C7orf78: variants seen among roughly 807,000 people sequenced by gnomAD.
The protein encoded by C7orf78 is putative uncharacterized protein C7orf78.
the C7orf78 span, among the ~76,000 whole-genome samples, chr7:12,517,856 A>G: frequency 1.3e-5 from 2 of 151,896 alleles, no homozygotes; most frequent in Non-Finnish European, 2.9e-5. Flanking sequence ...TAAAATCAGT[A>G]TTTTGAATTC....
chr7:12,499,937 C>T, the C7orf78 span, among the ~76,000 whole-genome samples: 4 of 126,924 alleles, frequency 3.2e-5, no homozygotes, highest in South Asian at 3.3e-4. Context: ...CACTCAAAAC[C>T]GCTCATCTAC....
At chr7:12,515,951 G>A in the C7orf78 span, among the ~76,000 whole-genome samples, 1 of 152,190 alleles carries the variant, frequency 6.6e-6, no homozygotes, top group African/African-American at 2.4e-5. Context: ...AAAATTTGCA[G>A]CCTGACAATG....
the C7orf78 span, among the ~76,000 whole-genome samples, chr7:12,518,284 C>T: frequency 6.6e-6 from 1 of 152,138 alleles, no homozygotes; most frequent in African/African-American, 2.4e-5. Flanking sequence ...TGTCCTTTAG[C>T]CCCCTGGGTG....
At chr7:12,520,779 T>C in the C7orf78 span, among the ~76,000 whole-genome samples, 1 of 152,190 alleles carries the variant, frequency 6.6e-6, no homozygotes, top group Non-Finnish European at 1.5e-5. Context: ...TACTTCTTCA[T>C]GGATTTTGTC....
At chr7:12,507,518 G>C in the C7orf78 span, 1 of 195,006 alleles carries the variant, frequency 5.1e-6, no homozygotes, top group Non-Finnish European at 1.1e-5. Context: ...GAGCACTTGA[G>C]AAGTTTGTAA....
At chr7:12,509,749 C>A in the C7orf78 span, among the ~76,000 whole-genome samples, 1 of 152,148 alleles carries the variant, frequency 6.6e-6, no homozygotes, top group Non-Finnish European at 1.5e-5. Context: ...GCTTATTTTG[C>A]TTAACATAAT....
At chr7:12,532,697 T>C in the C7orf78 span, among the ~76,000 whole-genome samples, 1 of 152,238 alleles carries the variant, frequency 6.6e-6, no homozygotes, top group African/African-American at 2.4e-5. Context: ...CACTTAGTAC[T>C]TGCTATCTAA....
the C7orf78 span, among the ~76,000 whole-genome samples, chr7:12,524,443 T>C: frequency 6.6e-6 from 1 of 152,290 alleles, no homozygotes; most frequent in African/African-American, 2.4e-5. Flanking sequence ...TGTTACCTTT[T>C]AGAGATGAGG....
chr7:12,495,252 C>CCA, the C7orf78 span, among the ~76,000 whole-genome samples: 4 of 152,102 alleles, frequency 2.6e-5, no homozygotes, highest in African/African-American at 9.7e-5. Flanking sequence ...ATTCCCTATC[C>CCA]CACACTGTGT....
chr7:12,536,037 A>G, the C7orf78 span, among the ~76,000 whole-genome samples: 43,525 of 152,056 alleles, frequency 0.29, 7,285 homozygotes, highest in African/African-American at 0.46. Flanking sequence ...GCTGTCAGTG[A>G]ATCTACCATT....
chr7:12,484,229 A>C, the C7orf78 span, among the ~76,000 whole-genome samples: 2 of 152,214 alleles, frequency 1.3e-5, 1 homozygote, highest in South Asian at 4.1e-4. Flanking sequence ...GATTGTTCTT[A>C]GGTGTGATCT....
the C7orf78 span, among the ~76,000 whole-genome samples, chr7:12,505,241 A>T: frequency 6.6e-6 from 1 of 152,124 alleles, no homozygotes; most frequent in Non-Finnish European, 1.5e-5. Context: ...CATAATTATT[A>T]TGATTGAAAT....
the C7orf78 span, among the ~76,000 whole-genome samples, chr7:12,503,334 A>G: frequency 0.14 from 22,020 of 152,102 alleles, 1,751 homozygotes; most frequent in Middle Eastern, 0.23. Context: ...CAATAATACC[A>G]ATGAATTGAT....
chr7:12,508,532 T>C, the C7orf78 span, among the ~76,000 whole-genome samples: 5 of 152,324 alleles, frequency 3.3e-5, no homozygotes, highest in South Asian at 8.3e-4. Context: ...CATGGAAGAA[T>C]TGCAAAAATA....
chr7:12,525,326 A>T, the C7orf78 span, among the ~76,000 whole-genome samples: 1 of 152,162 alleles, frequency 6.6e-6, no homozygotes, highest in Non-Finnish European at 1.5e-5. Flanking sequence ...GTAGTAGCTT[A>T]TAAAAAAACA....
the C7orf78 span, among the ~76,000 whole-genome samples, chr7:12,529,886 C>A: frequency 2.6e-5 from 4 of 152,214 alleles, no homozygotes; most frequent in African/African-American, 9.7e-5. Flanking sequence ...CAGTGTGCTC[C>A]GCGCACAGCT....
the C7orf78 span, chr7:12,491,261 G>C: frequency 6.6e-6 from 1 of 152,152 alleles, no homozygotes; most frequent in Non-Finnish European, 1.5e-5. Context: ...GGGATGTCTA[G>C]ATTTGGTCTG....
At chr7:12,509,699 G>A in the C7orf78 span, among the ~76,000 whole-genome samples, 7 of 152,040 alleles carry the variant, frequency 4.6e-5, no homozygotes, top group Non-Finnish European at 8.8e-5. Flanking sequence ...TAACTCCCAC[G>A]TATGAGTGAG....
the C7orf78 span, among the ~76,000 whole-genome samples, chr7:12,508,946 A>C: frequency 1.3e-5 from 2 of 152,322 alleles, no homozygotes; most frequent in Middle Eastern, 3.4e-3. Flanking sequence ...CCAATTCTAC[A>C]TTATGGTGAC....
Sources: allele counts gnomAD v4.1 joint callset (sites outside exome capture counted in the v4.1 genomes callset), GRCh38; gene constraint gnomAD v4.1.1; transcripts MANE v1.5; gene names NCBI Gene and HGNC (gene_info 2026-07-23, HGNC 2026-07-21).